Variants in SLC14A2 observed in about 807,000 individuals in gnomAD.
SLC14A2 encodes solute carrier family 14 member 2.
Under a neutral mutation model 104.6 loss-of-function variants are expected in SLC14A2, and 91 were observed. The observed-to-expected ratio is 0.87, with a 90% CI of 0.73 to 1.04. The LOEUF (loss-of-function observed/expected upper bound fraction) is 1.04, where lower values mean the gene tolerates loss of function less well. Among genes scored for constraint, SLC14A2 ranks in the 50% least tolerant of loss-of-function variants. The pLI, the probability that SLC14A2 is intolerant of heterozygous loss-of-function variation, is 0.00. For synonymous variants in SLC14A2, 476 were observed against 466.4 expected, an observed-to-expected ratio of 1.02 and a Z score of -0.27; for missense variants, 1,189 against 1,156.0, an observed-to-expected ratio of 1.03 and a Z score of -0.41.
chr18:45,409,380 C>T lies in SLC14A2; in HGVS notation c.-124-73853C>T, dbSNP rs139373784. Among the ~76,000 whole-genome samples the T allele has an allele frequency of 1.8e-3, 270 of 152,246 alleles. 1 individual carries two copies. The highest frequency in any genetic ancestry group is 6.8e-3 in the Middle Eastern group (2 of 294). ...GTCATGTCAATGCCTACGGCTACTCCGTCATCTCTCTACCTTCCTTCCCTT... is the reference window on the plus strand; with the variant it reads ...GTCATGTCAATGCCTACGGCTACTCTGTCATCTCTCTACCTTCCTTCCCTT... On this transcript the variant is annotated intron_variant, in intron 1 of 20. Coordinates refer to the SLC14A2 transcript ENST00000586448.
chr18:45,544,599 T>C (rs936011402), intron 2 of SLC14A2, among the ~76,000 whole-genome samples: 4 of 152,050 alleles, frequency 2.6e-5, no homozygotes, highest in African/African-American at 9.7e-5. Context: ...ACAATTAAAA[T>C]CACCCATGAT....
intron 18 of SLC14A2, 75 bp downstream of exon 18, chr18:45,673,892 A>G: frequency 6.9e-7 from 1 of 1,459,360 alleles, no homozygotes; most frequent in Non-Finnish European, 9.5e-7. Flanking sequence ...TATGTTTTTT[A>G]ATGGTTATTT....
At chr18:45,494,668 G>T (rs1239260718) in intron 2 of SLC14A2, among the ~76,000 whole-genome samples, 4 of 151,808 alleles carry the variant, frequency 2.6e-5, no homozygotes, top group African/African-American at 9.7e-5. Flanking sequence ...CTCCCAAAGC[G>T]CTGGGATTAC....
chr18:45,573,816 C>A (rs182323913), intron 2 of SLC14A2, among the ~76,000 whole-genome samples: 4 of 152,304 alleles, frequency 2.6e-5, no homozygotes, highest in Admixed American at 2.6e-4. Flanking sequence ...GCACAGAGTT[C>A]CTGCTCATCA....
chr18:45,546,881 A>G, intron 2 of SLC14A2, among the ~76,000 whole-genome samples: 1 of 152,224 alleles, frequency 6.6e-6, no homozygotes, highest in East Asian at 1.9e-4. Flanking sequence ...AGATGTCCCT[A>G]AAGCAAGGTC....
chr18:45,360,422 C>G (rs2085598895), intron 1 of SLC14A2, among the ~76,000 whole-genome samples: 1 of 152,190 alleles, frequency 6.6e-6, no homozygotes, highest in Non-Finnish European at 1.5e-5. Context: ...TAATTTCTAC[C>G]TCTCCTACCT....
chr18:45,526,077 A>G (rs1221326814), intron 2 of SLC14A2, among the ~76,000 whole-genome samples: 3 of 152,234 alleles, frequency 2.0e-5, no homozygotes, highest in Admixed American at 1.3e-4. Flanking sequence ...AAGGTATTGG[A>G]ACGTTCCCCA....
intron 2 of SLC14A2, among the ~76,000 whole-genome samples, chr18:45,487,309 G>A (rs2087625469): frequency 6.6e-6 from 1 of 152,176 alleles, no homozygotes; most frequent in African/African-American, 2.4e-5. Context: ...GCCAAGAAAG[G>A]TTTTCCACTT....
chr18:45,668,733 T>C (rs566406634), intron 15 of SLC14A2, among the ~76,000 whole-genome samples: 32 of 152,270 alleles, frequency 2.1e-4, no homozygotes, highest in African/African-American at 7.2e-4. Flanking sequence ...CCTGCCAGAG[T>C]GCAGAGAAAG....
chr18:45,269,587 T>C (rs1338100384), intron 1 of SLC14A2, among the ~76,000 whole-genome samples: 1 of 152,080 alleles, frequency 6.6e-6, no homozygotes, highest in East Asian at 1.9e-4. Flanking sequence ...ATAGATGAAA[T>C]GCCTGCAGTC....
chr18:45,476,870 T>C (rs2087391526), intron 1 of SLC14A2, among the ~76,000 whole-genome samples: 1 of 152,240 alleles, frequency 6.6e-6, no homozygotes, highest in African/African-American at 2.4e-5. Context: ...TTATTCTAGT[T>C]AGCAATTCCT....
intron 1 of SLC14A2, among the ~76,000 whole-genome samples, chr18:45,397,057 A>G (rs980026979): frequency 6.6e-6 from 1 of 152,146 alleles, no homozygotes; most frequent in African/African-American, 2.4e-5. Context: ...TTCTTTATCC[A>G]GTCTGTCATT....
chr18:45,321,145 A>G (rs1014890043), intron 1 of SLC14A2, among the ~76,000 whole-genome samples: 1 of 152,188 alleles, frequency 6.6e-6, no homozygotes, highest in African/African-American at 2.4e-5. Flanking sequence ...AATCATCTGG[A>G]TCCATGTTTA....
chr18:45,619,039 T>C (rs2045121872), intron 1 of SLC14A2, among the ~76,000 whole-genome samples: 1 of 152,262 alleles, frequency 6.6e-6, no homozygotes, highest in South Asian at 2.1e-4. Context: ...GGTCCAAACC[T>C]AGACACTAAG....
In SLC14A2 at chr18:45,428,096, C is replaced by A. The variant is rs183380692; in HGVS notation, c.-124-55137C>A. Among the ~76,000 whole-genome samples, 232 of 152,302 alleles carry A rather than the reference C, an allele frequency of 1.5e-3. 2 individuals are homozygous for A. The highest frequency in any genetic ancestry group is 5.3e-3 in the African/African-American group (220 of 41,558). ...CATGTAAGAAACTCACAAACTCACCCTCCTAAAAGAGAGTCCCAGAGGGAG... is the reference window on the plus strand; with the variant it reads ...CATGTAAGAAACTCACAAACTCACCATCCTAAAAGAGAGTCCCAGAGGGAG... On this transcript the variant is annotated intron_variant, in intron 1 of 20. Transcript: ENST00000586448.
chr18:45,488,540 C>G (rs1257903111), intron 2 of SLC14A2, among the ~76,000 whole-genome samples: 1 of 152,146 alleles, frequency 6.6e-6, no homozygotes, highest in African/African-American at 2.4e-5. Flanking sequence ...AGGGTAAGAA[C>G]TTAGTGGGGA....
At chr18:45,195,931 C>T in the SLC14A2 span, among the ~76,000 whole-genome samples, 1 of 152,030 alleles carries the variant, frequency 6.6e-6, no homozygotes. Flanking sequence ...ATTCGTGAAT[C>T]GGGCAGCCTC....
At chr18:45,240,317 G>A (rs529936880) in intron 1 of SLC14A2, among the ~76,000 whole-genome samples, 1 of 151,632 alleles carries the variant, frequency 6.6e-6, no homozygotes, top group African/African-American at 2.4e-5. Flanking sequence ...GGATGGTCTT[G>A]ATCTCCTGAC....
intron 1 of SLC14A2, among the ~76,000 whole-genome samples, chr18:45,329,962 A>G (rs759815261): frequency 6.6e-6 from 1 of 152,206 alleles, no homozygotes; most frequent in Non-Finnish European, 1.5e-5. Context: ...TATTGAGGTT[A>G]TGTTGTGTGC....
Sources: gnomAD v4.1 joint callset for allele counts (sites outside exome capture counted in the v4.1 genomes callset) on GRCh38, gnomAD v4.1.1 for gene constraint, MANE v1.5 for transcripts, NCBI Gene and HGNC (gene_info 2026-07-23, HGNC 2026-07-21) for gene names.